The following PRR16 variants were observed in gnomAD, a reference collection of about 807,000 sequenced individuals.
The protein encoded by PRR16 is proline rich 16.
In PRR16, 6 loss-of-function variants were observed where a neutral mutation model predicts 18.2. That is an observed-to-expected ratio of 0.33 (90% CI 0.18 to 0.65). PRR16 has a LOEUF of 0.65. Ranked by LOEUF, PRR16 falls within the 30% of genes least tolerant of loss-of-function variation. The pLI is 0.74. For missense variants in PRR16, 412 were observed against 376.6 expected (o/e 1.09, Z -0.78); for synonymous variants, 151 against 147.8 (o/e 1.02, Z -0.16).
At chr5:120,619,602 C>A (rs1201087997) in intron 1 of PRR16, among the ~76,000 whole-genome samples, 1 of 151,826 alleles carries the variant, frequency 6.6e-6, no homozygotes, top group East Asian at 1.9e-4. Context: ...AAATTACATA[C>A]CCAAATAAAG....
chr5:120,629,445 G>A lies in PRR16; in HGVS notation c.160-56509G>A, dbSNP rs76351090. On this transcript the variant is annotated intron_variant, in intron 1 of 1. Coordinates refer to ENST00000407149, the MANE Select transcript of PRR16 (RefSeq NM_001300783.2). ...TTTTTTGTAACATTATTTCTAAAAT[G>A]CAATTTTCAAATGCTATAAAGTATT... 5.8e-3 allele frequency among the ~76,000 whole-genome samples: 881 copies of A among 152,108 alleles called. 4 individuals carry two copies. Among genetic ancestry groups the A allele is most frequent in the Non-Finnish European group, 8.3e-3 (564 of 67,944 alleles).
chr5:120,502,752 C>T (rs1368863702), intron 1 of PRR16, among the ~76,000 whole-genome samples: 1 of 152,144 alleles, frequency 6.6e-6, no homozygotes, highest in South Asian at 2.1e-4. Context: ...TTCATACCAG[C>T]AATTTCTAGT....
the PRR16 span, among the ~76,000 whole-genome samples, chr5:120,693,424 A>G: frequency 6.6e-6 from 1 of 152,232 alleles, no homozygotes; most frequent in African/African-American, 2.4e-5. Flanking sequence ...TTTCTAAGGC[A>G]ATGGGACTAC....
chr5:120,694,807 A>G, the PRR16 span, among the ~76,000 whole-genome samples: 1 of 152,230 alleles, frequency 6.6e-6, no homozygotes, highest in Admixed American at 6.5e-5. Context: ...AAATGTATTT[A>G]GAGTATAATT....
chr5:120,527,496 A>G (rs1158402477), intron 1 of PRR16, among the ~76,000 whole-genome samples: 1 of 152,216 alleles, frequency 6.6e-6, no homozygotes, highest in Non-Finnish European at 1.5e-5. Flanking sequence ...GCTCTGAGAC[A>G]TTCTGATCAA....
chr5:120,529,869 C>G (rs1341396861), intron 1 of PRR16, among the ~76,000 whole-genome samples: 1 of 151,786 alleles, frequency 6.6e-6, no homozygotes, highest in African/African-American at 2.4e-5. Flanking sequence ...TAAAGTCACT[C>G]TTATAAGACC....
intron 1 of PRR16, among the ~76,000 whole-genome samples, chr5:120,631,788 T>C (rs929228703): frequency 2.6e-5 from 4 of 152,004 alleles, no homozygotes; most frequent in African/African-American, 9.7e-5. Context: ...TCATAATCTT[T>C]TGGGAGATCT....
At chr5:120,629,026 C>G (rs992724006) in intron 1 of PRR16, among the ~76,000 whole-genome samples, 3 of 151,944 alleles carry the variant, frequency 2.0e-5, no homozygotes, top group Non-Finnish European at 4.4e-5. Context: ...CAATCCTCAC[C>G]TTTCTCCCAC....
chr5:120,592,947 C>T (rs972958111), intron 1 of PRR16, among the ~76,000 whole-genome samples: 1 of 152,044 alleles, frequency 6.6e-6, no homozygotes, highest in Non-Finnish European at 1.5e-5. Context: ...TTTGCAATTT[C>T]TCTTTTAATT....
At chr5:120,546,709 G>T (rs1441401763) in intron 1 of PRR16, among the ~76,000 whole-genome samples, 1 of 151,970 alleles carries the variant, frequency 6.6e-6, no homozygotes, top group Non-Finnish European at 1.5e-5. Context: ...AGTGAACATG[G>T]AAATTCAGTC....
intron 1 of PRR16, among the ~76,000 whole-genome samples, chr5:120,593,470 A>G (rs964778159): frequency 1.3e-5 from 2 of 152,024 alleles, no homozygotes; most frequent in African/African-American, 4.8e-5. Flanking sequence ...GCTTCCCTGA[A>G]TAGATCAGTA....
intron 1 of PRR16, among the ~76,000 whole-genome samples, chr5:120,584,924 C>G (rs1753391437): frequency 6.6e-6 from 1 of 152,106 alleles, no homozygotes; most frequent in Non-Finnish European, 1.5e-5. Context: ...TCATTTCAAT[C>G]TTCGTCAAAG....
intron 1 of PRR16, among the ~76,000 whole-genome samples, chr5:120,562,606 T>C (rs1476562488): frequency 1.3e-5 from 2 of 152,190 alleles, no homozygotes; most frequent in Admixed American, 6.5e-5. Flanking sequence ...TCTCTGGTGG[T>C]ATGTTTTAAT....
chr5:120,783,411 C>T, the PRR16 span, among the ~76,000 whole-genome samples: 1 of 151,964 alleles, frequency 6.6e-6, no homozygotes, highest in Non-Finnish European at 1.5e-5. Context: ...AAACTTAGAA[C>T]TGATACATGG....
chr5:120,663,618 G>C (rs1756254216), intron 1 of PRR16, among the ~76,000 whole-genome samples: 1 of 152,052 alleles, frequency 6.6e-6, no homozygotes, highest in Non-Finnish European at 1.5e-5. Flanking sequence ...TTTAGCTCAA[G>C]CTAAAACACT....
rs576761437 is a variant in PRR16 at position 120,485,648 on chromosome 5, AT to A, written c.159+21013del. ...GTGTAAATTATGCCTAGATTTAGTT[AT>A]TTTTTTTTTATTATTATACTTTAAG... On this transcript the variant is annotated intron_variant, in intron 1 of 1. Coordinates refer to ENST00000407149, the MANE Select transcript of PRR16 (RefSeq NM_001300783.2). Among the ~76,000 whole-genome samples the A allele has an allele frequency of 2.2e-3, 327 of 149,612 alleles. 3 individuals are homozygous for A. Among genetic ancestry groups the A allele is most frequent in the African/African-American group, 4.3e-3 (174 of 40,864 alleles).
chr5:120,609,706 T>G (rs1451903205), intron 1 of PRR16, among the ~76,000 whole-genome samples: 1 of 152,216 alleles, frequency 6.6e-6, no homozygotes, highest in Admixed American at 6.5e-5. Flanking sequence ...TAACCTACAT[T>G]ACTCATGCAA....
the PRR16 span, among the ~76,000 whole-genome samples, chr5:120,773,413 C>G: frequency 6.6e-6 from 1 of 152,068 alleles, no homozygotes; most frequent in Non-Finnish European, 1.5e-5. Context: ...GCAGCCAGAG[C>G]TACAGCTATC....
chr5:120,573,308 T>A (rs1280735953), intron 1 of PRR16, among the ~76,000 whole-genome samples: 1 of 152,228 alleles, frequency 6.6e-6, no homozygotes, highest in African/African-American at 2.4e-5. Context: ...TGCTTTGAGA[T>A]GTTTTCTTAC....
Sources: gnomAD v4.1 joint callset for allele counts (sites outside exome capture counted in the v4.1 genomes callset) on GRCh38, gnomAD v4.1.1 for gene constraint, MANE v1.5 for transcripts, NCBI Gene and HGNC (gene_info 2026-07-23, HGNC 2026-07-21) for gene names.